Variants in ACTN1 observed in about 807,000 individuals in gnomAD.
ACTN1 encodes alpha-actinin-1.
Under a neutral mutation model 119.6 loss-of-function variants are expected in ACTN1, and 30 were observed. The ratio of observed to expected loss-of-function variants is 0.25; its 90% CI spans 0.19 to 0.34. ACTN1 has a LOEUF of 0.34. Among genes scored for constraint, ACTN1 ranks in the 10% least tolerant of loss-of-function variants. The probability of loss-of-function intolerance (pLI) is 1.00; values close to 1 mark genes in which losing one functional copy is unlikely to be tolerated. For synonymous variants in ACTN1, 429 were observed against 472.6 expected, an observed-to-expected ratio of 0.91 and a Z score of 1.20; for missense variants, 764 against 1,223.4, an observed-to-expected ratio of 0.62 and a Z score of 5.60.
Position 68,878,601 on chromosome 14 carries a change from G to C in ACTN1, c.2362-78C>G, listed in dbSNP as rs764892593. The stretch of plus-strand genomic sequence containing the variant: ...GGAAGGGCCGGCCCGGGGCCAGGAA[G>C]ACAGGAACAGATGGCCAGAACGGGG... On this transcript the variant is annotated intron_variant, in intron 19 of 21. Coordinates refer to ENST00000394419, the MANE Select transcript of ACTN1 (RefSeq NM_001130004.2). This position sits in a 1 kb window ranked among gnomAD's most constrained non-coding sequence, Gnocchi z 4.4. The C allele has an allele frequency of 3.1e-6, 5 of 1,596,492 alleles. No homozygotes were observed. The highest frequency in any genetic ancestry group is 3.3e-4 in the Middle Eastern group (2 of 6,040).
chr14:68,894,162 G>C (rs1208177675), intron 8 of ACTN1, among the ~76,000 whole-genome samples: 2 of 152,188 alleles, frequency 1.3e-5, no homozygotes, highest in African/African-American at 4.8e-5. Flanking sequence ...GATTTTCCAG[G>C]GTCTTGGAGA....
intron 6 of ACTN1, 29 bp from the exon 7 acceptor site, chr14:68,904,765 T>TA (rs2033565221): frequency 6.3e-7 from 1 of 1,594,356 alleles, no homozygotes; most frequent in Admixed American, 1.7e-5. Context: ...GAAGGGATGA[T>TA]AAAGTGAGAG....
chr14:68,934,858 A>C (rs115051544), intron 1 of ACTN1, among the ~76,000 whole-genome samples: 1,537 of 152,370 alleles, frequency 0.01, 31 homozygotes, highest in African/African-American at 0.035. Flanking sequence ...TCAAGACTGT[A>C]TGTACTGCAA....
rs1188499043 is a variant in ACTN1, at chr14:68,879,133, G to A, written c.2281-64C>T. 2.6e-6 allele frequency: 4 copies of A among 1,525,670 alleles called. No homozygotes were observed. Among genetic ancestry groups the A allele is most frequent in the African/African-American group, 1.4e-5 (1 of 71,644 alleles). The allele number at this position is 1,525,670 out of a possible 1,614,324, so 94.5% of individuals were successfully genotyped here. ...TCAGGGAGGTGGAGCCGTGAGGGGG[G>A]CATGCCCCGGGGGAGGGTGGCGTGT... On this transcript the variant is annotated intron_variant, in intron 18 of 21. Transcript: ENST00000394419. This position sits in a 1 kb window ranked among gnomAD's most constrained non-coding sequence, Gnocchi z 4.9.
chr14:68,949,056 G>T (rs1224498420), intron 1 of ACTN1, among the ~76,000 whole-genome samples: 1 of 152,244 alleles, frequency 6.6e-6, no homozygotes, highest in African/African-American at 2.4e-5. Context: ...CTGTTAGCAA[G>T]AAATAGAATT....
intron 1 of ACTN1, among the ~76,000 whole-genome samples, chr14:68,940,840 A>G (rs1213333993): frequency 2.0e-5 from 3 of 152,302 alleles, no homozygotes; most frequent in Admixed American, 6.5e-5. Flanking sequence ...GCAAGAAAGA[A>G]AGAGATCCTG....
intron 6 of ACTN1, among the ~76,000 whole-genome samples, chr14:68,905,625 GA>G (rs2033619082): frequency 6.6e-6 from 1 of 152,198 alleles, no homozygotes; most frequent in Non-Finnish European, 1.5e-5. Flanking sequence ...GCCTCAACAA[GA>G]GGGAATTTCT....
At chr14:68,927,686 C>T (rs1594827834) in intron 1 of ACTN1, among the ~76,000 whole-genome samples, 1 of 152,276 alleles carries the variant, frequency 6.6e-6, no homozygotes, top group East Asian at 1.9e-4. Flanking sequence ...GACAGGGAAG[C>T]GTATGTACCA....
chr14:68,966,392 A>C (rs992778363), intron 1 of ACTN1, among the ~76,000 whole-genome samples: 6 of 151,890 alleles, frequency 4.0e-5, no homozygotes, highest in African/African-American at 1.5e-4. Flanking sequence ...CCTACCATCC[A>C]ATTTCTCGGT....
intron 6 of ACTN1, among the ~76,000 whole-genome samples, chr14:68,905,116 C>G (rs1036072205): frequency 6.6e-6 from 1 of 152,194 alleles, no homozygotes; most frequent in Non-Finnish European, 1.5e-5. Context: ...GGGTAGCTAA[C>G]CTGACCTCAG....
rs562728340 is a variant in ACTN1 at position 68,908,739 on chromosome 14, A to G, written c.594+579T>C. Among the ~76,000 whole-genome samples, 101 of 152,290 alleles carry G rather than the reference A, an allele frequency of 6.6e-4. 1 individual carries two copies. The highest frequency in any genetic ancestry group is 1.0e-3 in the Non-Finnish European group (71 of 68,028). ...AGCTCAGACATTGAGAACCACCATG[A>G]GGCTAGAAACACAGCTCCCACTCCT... On this transcript the variant is annotated intron_variant, in intron 6 of 21. Transcript: ENST00000394419.
rs2031331366 is a variant in ACTN1 at position 68,879,908 on chromosome 14, CCCTGGGG to C, written c.2280+47_2280+53del. 1 of 1,596,020 alleles carries C rather than the reference CCCTGGGG, an allele frequency of 6.3e-7. No homozygotes were observed. ...CGTCCCGGGGAAGTGCCCTCCAGGG[CCCTGGGG>C]CAGGGGTTGGGGGCTGCACTAAGAA... On this transcript the variant is annotated intron_variant, in intron 18 of 21. Transcript: ENST00000394419. The surrounding 1 kb of genome is among the most constrained non-coding windows in gnomAD (Gnocchi z 4.9).
intron 1 of ACTN1, among the ~76,000 whole-genome samples, chr14:68,930,682 C>A (rs1267181591): frequency 3.9e-5 from 6 of 152,156 alleles, no homozygotes; most frequent in Admixed American, 2.6e-4. Context: ...AGGTGGTAAA[C>A]CCTGGACAAG....
At position 68,905,004 on chromosome 14, in the gene ACTN1, G is replaced by A. The variant is rs144262846; in HGVS notation, c.595-268C>T. Among the ~76,000 whole-genome samples, 4 of 152,350 alleles carry A rather than the reference G, an allele frequency of 2.6e-5. No individual in the cohort carries two copies. The East Asian group carries it at 7.7e-4, about 29-fold the overall frequency. On this transcript the variant is annotated intron_variant, in intron 6 of 21. Coordinates refer to ENST00000394419, the MANE Select transcript of ACTN1 (RefSeq NM_001130004.2). ...AGTCTGCAGCCTGAGTCGGGGGTAG[G>A]AAGGAGTTCCTAAGAAACGTGTGCC...
At chr14:68,889,621 TA>T (rs1229589191) in intron 11 of ACTN1, among the ~76,000 whole-genome samples, 1 of 152,060 alleles carries the variant, frequency 6.6e-6, no homozygotes, top group Non-Finnish European at 1.5e-5. Flanking sequence ...ATGGTGAAAC[TA>T]AAAATACAAA....
At chr14:68,936,745 T>C in intron 1 of ACTN1, 1 of 626,868 alleles carries the variant, frequency 1.6e-6, no homozygotes. Context: ...GGCCAGTTTC[T>C]GGTGCTGAAG....
chr14:68,891,843 C>A (rs2032511470), intron 10 of ACTN1, among the ~76,000 whole-genome samples: 1 of 152,012 alleles, frequency 6.6e-6, no homozygotes, highest in African/African-American at 2.4e-5. Context: ...CCAGAATGGT[C>A]TGGGCAGAGG....
intron 1 of ACTN1, among the ~76,000 whole-genome samples, chr14:68,977,002 C>T (rs1020651509): frequency 2.0e-5 from 3 of 152,276 alleles, no homozygotes; most frequent in South Asian, 2.1e-4. Context: ...ATATTAAATA[C>T]GATGTTCAGG....
At chr14:68,914,843 C>T (rs772476803) in intron 3 of ACTN1, among the ~76,000 whole-genome samples, 26 of 152,058 alleles carry the variant, frequency 1.7e-4, no homozygotes, top group Admixed American at 1.4e-3. Context: ...GTCAGCAAGG[C>T]CACCACACTA....
Sources: gnomAD v4.1 joint callset for allele counts (sites outside exome capture counted in the v4.1 genomes callset) on GRCh38, gnomAD v4.1.1 for gene constraint, Gnocchi (gnomAD v3.1) non-coding constraint, MANE v1.5 for transcripts, NCBI Gene and HGNC (gene_info 2026-07-23, HGNC 2026-07-21) for gene names.